RASGRP1: variants seen among roughly 807,000 people sequenced by gnomAD.
RASGRP1 encodes the protein RAS guanyl-releasing protein 1.
Under a neutral mutation model 95.1 loss-of-function variants are expected in RASGRP1, and 37 were observed. The ratio of observed to expected loss-of-function variants is 0.39; its 90% CI spans 0.30 to 0.51. The LOEUF (loss-of-function observed/expected upper bound fraction) is 0.51. Among genes scored for constraint, RASGRP1 ranks in the 20% least tolerant of loss-of-function variants. RASGRP1 has a pLI of 0.80. For missense variants in RASGRP1, 711 were observed against 965.4 expected, an observed-to-expected ratio of 0.74 and a Z score of 3.49; for synonymous variants, 325 against 353.4, an observed-to-expected ratio of 0.92 and a Z score of 0.90.
At chr15:38,533,545 G>A (rs570628097) in intron 2 of RASGRP1, among the ~76,000 whole-genome samples, 7 of 152,218 alleles carry the variant, frequency 4.6e-5, no homozygotes, top group South Asian at 2.1e-4. Context: ...TTTTTAGAGC[G>A]GACGGCAGCA....
intron 6 of RASGRP1, among the ~76,000 whole-genome samples, chr15:38,513,740 AT>A (rs1380374216): frequency 3.9e-5 from 6 of 152,234 alleles, no homozygotes; most frequent in Non-Finnish European, 7.3e-5. Flanking sequence ...GTCACAAAGA[AT>A]CCCTCTGCTC....
chr15:38,525,352 G>A (rs1297897868), intron 3 of RASGRP1, among the ~76,000 whole-genome samples: 2 of 152,074 alleles, frequency 1.3e-5, no homozygotes, highest in Non-Finnish European at 2.9e-5. Flanking sequence ...ATAATCACTG[G>A]TACATGAAAT....
At chr15:38,490,774 A>T in intron 16 of RASGRP1, 86 bp from the exon 17 acceptor site, 1 of 1,375,348 alleles carries the variant, frequency 7.3e-7, no homozygotes, top group Non-Finnish European at 9.9e-7. Flanking sequence ...TTTGATTGGC[A>T]TTTCCTATTC....
At chr15:38,497,874 T>A (rs1247324948) in intron 15 of RASGRP1, among the ~76,000 whole-genome samples, 3 of 152,220 alleles carry the variant, frequency 2.0e-5, no homozygotes, top group African/African-American at 7.2e-5. Flanking sequence ...TTTCCTTGTA[T>A]GATTTGGAAT....
chr15:38,499,740 T>C (rs112336893), intron 14 of RASGRP1, among the ~76,000 whole-genome samples: 5 of 152,330 alleles, frequency 3.3e-5, no homozygotes, highest in Non-Finnish European at 5.9e-5. Context: ...AAACCTCACC[T>C]TGTAGTGCCC....
intron 9 of RASGRP1, among the ~76,000 whole-genome samples, chr15:38,506,205 A>C (rs1891245755): frequency 6.6e-6 from 1 of 152,252 alleles, no homozygotes. Context: ...GTCTGGACAG[A>C]TGACTAATAC....
intron 8 of RASGRP1, 118 bp from the exon 9 acceptor site, chr15:38,508,119 G>T: frequency 8.6e-7 from 1 of 1,167,636 alleles, no homozygotes; most frequent in Non-Finnish European, 1.2e-6. Flanking sequence ...AATTTGTTGA[G>T]CAGGGGGTAA....
chr15:38,519,298 A>T lies in RASGRP1; in HGVS notation c.389+11T>A. On this transcript the variant is annotated intron_variant, in intron 4 of 16. Coordinates refer to ENST00000310803, the MANE Select transcript of RASGRP1 (RefSeq NM_005739.4). ...CTCCACAAAGTCTTGAAATACATAA[A>T]GAAACATTACCTTACAAAATAACAG... 6.6e-7 allele frequency: 1 copy of T among 1,519,188 alleles called. No individual in the cohort carries two copies. The highest frequency in any genetic ancestry group is 1.1e-5 in the South Asian group (1 of 88,048). The allele number at this position is 1,519,188 out of a possible 1,614,324, so 94.1% of individuals were successfully genotyped here.
chr15:38,518,434 G>A lies in RASGRP1; in HGVS notation c.390-11C>T. On this transcript the variant is annotated splice_polypyrimidine_tract_variant and intron_variant, in intron 4 of 16. Coordinates refer to ENST00000310803, the MANE Select transcript of RASGRP1 (RefSeq NM_005739.4). The stretch of plus-strand genomic sequence containing the variant: ...TCTGTTATCCAATACCTACAAGGAG[G>A]GGGTTAAAAAACACAATCCAAAACT... 6.3e-7 allele frequency: 1 copy of A among 1,595,394 alleles called. No homozygotes were observed.
intron 16 of RASGRP1, 34 bp from the exon 17 acceptor site, chr15:38,490,722 A>C: frequency 6.3e-7 from 1 of 1,575,076 alleles, no homozygotes; most frequent in East Asian, 2.3e-5. Context: ...ATGTTAATAA[A>C]GCAGCAATGA....
chr15:38,502,182 T>C (rs1171922517), intron 12 of RASGRP1, 130 bp downstream of exon 12: 1 of 653,002 alleles, frequency 1.5e-6, no homozygotes, highest in African/African-American at 1.8e-5. Context: ...GAATGCATAT[T>C]TCATGGTCTG....
At chr15:38,509,948 C>G (rs1891434895) in intron 8 of RASGRP1, among the ~76,000 whole-genome samples, 1 of 152,046 alleles carries the variant, frequency 6.6e-6, no homozygotes, top group Non-Finnish European at 1.5e-5. Flanking sequence ...GGAGTCAGAC[C>G]CCTTCAAATC....
intron 2 of RASGRP1, among the ~76,000 whole-genome samples, chr15:38,552,839 A>C (rs75652624): frequency 0.026 from 3,914 of 152,254 alleles, 167 homozygotes; most frequent in African/African-American, 0.091. Flanking sequence ...CTGCTAGGAG[A>C]TAATGAAATA....
chr15:38,498,804 A>G lies in RASGRP1; in HGVS notation c.1863T>C (p.Asp621=), dbSNP rs1316140607. ...VSNLCSLGAK[D]LLHAPEEGPF... is the part of the protein sequence containing the mutation. Reference sequence around the variant, plus strand: ...CCAGTGCCTACTTACCATGGAGCAGATCTTTGGCTCCCAATGAGCAAAGGT... The same window carrying G: ...CCAGTGCCTACTTACCATGGAGCAGGTCTTTGGCTCCCAATGAGCAAAGGT... The change falls in exon 15 of 17, where the codon GAT becomes GAC. Residue 621 remains aspartate, a synonymous_variant. Transcript: ENST00000310803. 6 of 1,613,240 alleles carry G rather than the reference A, an allele frequency of 3.7e-6. No individual in the cohort carries two copies. The highest frequency in any genetic ancestry group is 4.2e-6 in the Non-Finnish European group (5 of 1,179,796).
At chr15:38,560,348 C>G (rs1029828875) in intron 1 of RASGRP1, 1 of 288,790 alleles carries the variant, frequency 3.5e-6, no homozygotes, top group Non-Finnish European at 6.6e-6. Context: ...AGCTACTAAG[C>G]CACTGACTTG....
rs370888491 is a variant in RASGRP1 at position 38,559,890 on chromosome 15, C to A, written c.151G>T (p.Val51Leu). 1.9e-6 allele frequency: 3 copies of A among 1,613,858 alleles called. No individual in the cohort carries two copies. The highest frequency in any genetic ancestry group is 1.3e-5 in the African/African-American group (1 of 75,034). The change falls in exon 2 of 17, where the codon GTG becomes TTG. Residue 51 changes from valine to leucine, a missense_variant. Val to Leu is a conservative substitution (Grantham distance 32). Transcript: ENST00000310803. ...LAHITQFRMM[V>L]SLGHLAKGAS... ...CCTTTGGCTAAATGTCCCAGAGACACCATCATTCGGAACTGGGTGATGTGG... is the reference window on the plus strand; with the variant it reads ...CCTTTGGCTAAATGTCCCAGAGACAACATCATTCGGAACTGGGTGATGTGG...
intron 10 of RASGRP1, chr15:38,503,582 T>C (rs1230235359): frequency 1.7e-6 from 1 of 579,404 alleles, no homozygotes; most frequent in African/African-American, 1.9e-5. Context: ...TCCAGAGTGC[T>C]CTTCACATAC....
At chr15:38,505,771 G>T in intron 10 of RASGRP1, 69 bp downstream of exon 10, 1 of 1,234,684 alleles carries the variant, frequency 8.1e-7, no homozygotes, top group Non-Finnish European at 1.2e-6. Flanking sequence ...TGTTCCTGAG[G>T]ATGAATGAAC....
chr15:38,559,225 C>G (rs777980206), intron 2 of RASGRP1, among the ~76,000 whole-genome samples: 1 of 152,194 alleles, frequency 6.6e-6, no homozygotes, highest in East Asian at 1.9e-4. Flanking sequence ...CTGTGCCTCC[C>G]TCATGGTGGG....
Sources: allele counts gnomAD v4.1 joint callset (sites outside exome capture counted in the v4.1 genomes callset), GRCh38; gene constraint gnomAD v4.1.1; transcripts MANE v1.5; gene names NCBI Gene and HGNC (gene_info 2026-07-23, HGNC 2026-07-21).